SLIT3: variants seen among roughly 807,000 people sequenced by gnomAD.
SLIT3 encodes the protein slit guidance ligand 3, also known as slit homolog 3 protein.
Under a neutral mutation model 184.0 loss-of-function variants are expected in SLIT3, and 68 were observed. The observed-to-expected ratio is 0.37, with a 90% CI of 0.30 to 0.45. SLIT3 has a LOEUF of 0.45. Among genes scored for constraint, SLIT3 ranks in the 20% least tolerant of loss-of-function variants. The pLI is 1.00. For synonymous variants in SLIT3, 831 were observed against 828.6 expected (o/e 1.00, Z -0.05); for missense variants, 1,707 against 2,026.0 (o/e 0.84, Z 3.02).
intron 4 of SLIT3, among the ~76,000 whole-genome samples, chr5:169,131,552 T>C (rs1212516117): frequency 1.3e-5 from 2 of 152,238 alleles, no homozygotes; most frequent in East Asian, 1.9e-4. Context: ...TCTTTTAAAA[T>C]ATAAATCTCA....
At chr5:168,850,576 G>C (rs1758632601) in intron 5 of SLIT3, among the ~76,000 whole-genome samples, 1 of 152,172 alleles carries the variant, frequency 6.6e-6, no homozygotes, top group South Asian at 2.1e-4. Context: ...GCATTCCAAA[G>C]ACTTCAACCA....
intron 6 of SLIT3, among the ~76,000 whole-genome samples, chr5:168,830,461 G>C (rs1207979636): frequency 6.6e-6 from 1 of 152,176 alleles, no homozygotes; most frequent in Admixed American, 6.5e-5. Context: ...AAGCAGAATA[G>C]TATAGGTTCT....
intron 5 of SLIT3, among the ~76,000 whole-genome samples, chr5:168,858,410 T>C (rs558598091): frequency 1.3e-5 from 2 of 152,266 alleles, no homozygotes; most frequent in Non-Finnish European, 2.9e-5. Context: ...TCTACTTTTA[T>C]ATCCCCGTTA....
At chr5:168,856,989 G>A (rs895646085) in intron 5 of SLIT3, among the ~76,000 whole-genome samples, 4 of 151,914 alleles carry the variant, frequency 2.6e-5, no homozygotes, top group East Asian at 1.9e-4. Context: ...ATGGTGGGGG[G>A]GCCTGGTGAA....
At chr5:169,019,467 G>A (rs1756516785) in intron 4 of SLIT3, among the ~76,000 whole-genome samples, 1 of 152,210 alleles carries the variant, frequency 6.6e-6, no homozygotes, top group Admixed American at 6.5e-5. Flanking sequence ...TATTTTGATA[G>A]CTTCCTTGAA....
intron 20 of SLIT3, among the ~76,000 whole-genome samples, chr5:168,741,692 G>C (rs1156358917): frequency 6.6e-6 from 1 of 151,970 alleles, no homozygotes; most frequent in East Asian, 1.9e-4. Context: ...GGGGATACAA[G>C]TGAGAGGCAC....
chr5:168,968,674 T>C (rs570151128), intron 4 of SLIT3, among the ~76,000 whole-genome samples: 2 of 152,364 alleles, frequency 1.3e-5, no homozygotes, highest in East Asian at 3.9e-4. Flanking sequence ...CTTCTAAAGC[T>C]AAGAGTATCC....
At chr5:169,072,248 G>C (rs180962148) in intron 4 of SLIT3, among the ~76,000 whole-genome samples, 49 of 152,264 alleles carry the variant, frequency 3.2e-4, no homozygotes, top group Non-Finnish European at 6.3e-4. Context: ...TGAAAAACTT[G>C]AAAATGCACT....
intron 4 of SLIT3, among the ~76,000 whole-genome samples, chr5:168,895,207 C>T (rs1051166299): frequency 5.3e-5 from 8 of 152,116 alleles, no homozygotes; most frequent in South Asian, 2.1e-4. Flanking sequence ...AACATTGCTC[C>T]GGATCTACCT....
intron 34 of SLIT3, 106 bp downstream of exon 34, chr5:168,671,092 G>T: frequency 7.8e-7 from 1 of 1,285,948 alleles, no homozygotes; most frequent in Non-Finnish European, 1.1e-6. Flanking sequence ...TCTGCGGTCT[G>T]ACTGCAACTC....
intron 14 of SLIT3, among the ~76,000 whole-genome samples, chr5:168,764,432 A>C (rs557533544): frequency 2.0e-5 from 3 of 152,300 alleles, no homozygotes; most frequent in Admixed American, 2.0e-4. Flanking sequence ...TGTGGTTAAC[A>C]TGTTTTGCTG....
intron 10 of SLIT3, chr5:168,789,868 G>A (rs534543542): frequency 1.8e-4 from 91 of 493,546 alleles, no homozygotes; most frequent in African/African-American, 1.3e-3. Flanking sequence ...ATACTCACCC[G>A]TGGCATCTTC....
At chr5:169,164,033 T>A (rs116965025) in intron 4 of SLIT3, among the ~76,000 whole-genome samples, 1 of 152,242 alleles carries the variant, frequency 6.6e-6, no homozygotes, top group East Asian at 1.9e-4. Context: ...TATGACAGAC[T>A]CCAACCCCAC....
intron 4 of SLIT3, among the ~76,000 whole-genome samples, chr5:168,922,922 G>T (rs1006909126): frequency 1.3e-5 from 2 of 152,132 alleles, no homozygotes; most frequent in African/African-American, 4.8e-5. Context: ...AAACATTTTG[G>T]GATTCCCTTA....
rs1157283262 is a variant in SLIT3 at position 168,928,943 on chromosome 5, A to AT, written c.414-45608dup. ...TGCCTCTTGGCGTAAGACTCTTCCC[A>AT]TTAGGTTATATATGACTGGCCCAGA... On this transcript the variant is annotated intron_variant, in intron 4 of 35. Transcript: ENST00000519560. Among the ~76,000 whole-genome samples the AT allele has an allele frequency of 4.6e-5, 7 of 152,202 alleles. No homozygotes were observed. In the East Asian group the frequency reaches 1.2e-3, roughly 25 times the overall value.
At chr5:168,868,747 C>CAAAAAAAAAAAAAAAAAA (rs375837097) in intron 5 of SLIT3, among the ~76,000 whole-genome samples, 2 of 69,286 alleles carry the variant, frequency 2.9e-5, no homozygotes, top group Non-Finnish European at 5.8e-5. Context: ...GAATCTGCCT[C>CAAAAAAAAAAAAAAAAAA]AAAAAAAAAA....
chr5:168,731,724 G>A (rs1581015410), intron 20 of SLIT3, among the ~76,000 whole-genome samples: 1 of 152,172 alleles, frequency 6.6e-6, no homozygotes, highest in East Asian at 1.9e-4. Context: ...CTTAACAGAT[G>A]CAGAAAAAGC....
At chr5:169,154,599 A>T (rs1303248972) in intron 4 of SLIT3, among the ~76,000 whole-genome samples, 1 of 152,222 alleles carries the variant, frequency 6.6e-6, no homozygotes, top group Non-Finnish European at 1.5e-5. Flanking sequence ...GGCTGTGCAA[A>T]CTCGAACATG....
intron 5 of SLIT3, among the ~76,000 whole-genome samples, chr5:168,880,154 C>T (rs116300583): frequency 0.015 from 2,321 of 152,288 alleles, 59 homozygotes; most frequent in African/African-American, 0.053. Context: ...GAGAGAGATA[C>T]GAGCCTAAAC....
Sources: allele counts gnomAD v4.1 joint callset (sites outside exome capture counted in the v4.1 genomes callset), GRCh38; gene constraint gnomAD v4.1.1; transcripts MANE v1.5; gene names NCBI Gene and HGNC (gene_info 2026-07-23, HGNC 2026-07-21).